AOX1: variants seen among roughly 807,000 people sequenced by gnomAD.
AOX1 encodes the protein aldehyde oxidase 1, also known as aldehyde oxidase.
AOX1 carries 153 observed loss-of-function variants against 169.5 expected under a neutral mutation model. That is an observed-to-expected ratio of 0.90 (90% confidence interval 0.79 to 1.03). The LOEUF (loss-of-function observed/expected upper bound fraction) is 1.03. Among genes scored for constraint, AOX1 ranks in the 50% least tolerant of loss-of-function variants. The pLI, the probability that AOX1 is intolerant of heterozygous loss-of-function variation, is 0.00. For missense variants in AOX1, 1,656 were observed against 1,663.9 expected (o/e 1.00, Z 0.08); for synonymous variants, 562 against 581.9 (o/e 0.97, Z 0.49).
intron 16 of AOX1, among the ~76,000 whole-genome samples, chr2:200,617,458 A>G (rs983684418): frequency 1.3e-4 from 18 of 140,484 alleles, no homozygotes; most frequent in Non-Finnish European, 6.1e-5. Flanking sequence ...TTCTTTCACC[A>G]GTAGATTTAT....
At chr2:200,657,188 A>ATTTTT (rs1309414882) in intron 27 of AOX1, among the ~76,000 whole-genome samples, 24 of 68,576 alleles carry the variant, frequency 3.5e-4, no homozygotes, top group East Asian at 1.5e-3. Flanking sequence ...ATATATATAT[A>ATTTTT]TATTTTTTTT....
At chr2:200,630,908 C>T (rs57083865) in intron 20 of AOX1, among the ~76,000 whole-genome samples, 1 of 152,018 alleles carries the variant, frequency 6.6e-6, no homozygotes, top group African/African-American at 2.4e-5. Context: ...GGTTTAATAC[C>T]TAAGTGATGG....
rs185696983 is a variant in AOX1 at position 200,670,967 on chromosome 2, G to A, written c.*288G>A. 347 of 334,776 alleles carry A rather than the reference G, an allele frequency of 1.0e-3. 2 individuals are homozygous for A. Among genetic ancestry groups the A allele is most frequent in the Middle Eastern group, 6.6e-3 (8 of 1,214 alleles). The allele number at this position is 334,776 out of a possible 1,614,324, so 20.7% of individuals were successfully genotyped here. A position where few individuals can be genotyped will look rare whatever the true frequency, so the allele number is the denominator to read the frequency against. ...TCAATCCATCCAGCTAAATGGAATA[G>A]GTGATGACTTGCATGTGACTCCTAC... On this transcript the variant is annotated 3_prime_UTR_variant, in exon 35 of 35. Coordinates refer to ENST00000374700, the MANE Select transcript of AOX1 (RefSeq NM_001159.4).
At chr2:200,644,105 T>A (rs1369729525) in intron 25 of AOX1, among the ~76,000 whole-genome samples, 1 of 152,250 alleles carries the variant, frequency 6.6e-6, no homozygotes. Flanking sequence ...TTATCGCATT[T>A]GCTTTTGAGT....
At chr2:200,597,248 G>A in intron 3 of AOX1, 149 bp from the exon 4 acceptor site, 3 of 498,140 alleles carry the variant, frequency 6.0e-6, no homozygotes, top group East Asian at 3.2e-5. Flanking sequence ...AAATGGGCCT[G>A]TGCCTGAGCT....
chr2:200,630,567 GAA>G, intron 20 of AOX1, among the ~76,000 whole-genome samples: 2 of 57,422 alleles, frequency 3.5e-5, no homozygotes, highest in Non-Finnish European at 8.1e-5. Context: ...AGGAAGGAAG[GAA>G]GGAAGGAAGG....
At chr2:200,662,794 A>G in intron 30 of AOX1, 61 bp from the exon 31 acceptor site, 1 of 1,315,596 alleles carries the variant, frequency 7.6e-7, no homozygotes, top group Non-Finnish European at 1.1e-6. Context: ...GGGTCTGTTT[A>G]GTCATCATGG....
At chr2:200,648,899 C>T (rs1574951147) in intron 25 of AOX1, among the ~76,000 whole-genome samples, 1 of 152,048 alleles carries the variant, frequency 6.6e-6, no homozygotes, top group East Asian at 1.9e-4. Context: ...CCTCACCCAG[C>T]TCCCATACAA....
At chr2:200,650,834 G>A (rs1171221357) in intron 25 of AOX1, 140 bp from the exon 26 acceptor site, 12 of 673,772 alleles carry the variant, frequency 1.8e-5, no homozygotes, top group Non-Finnish European at 3.1e-5. Context: ...TTGTGCATTA[G>A]GAAAGGCTTC....
At chr2:200,648,833 C>A in intron 25 of AOX1, among the ~76,000 whole-genome samples, 1 of 152,012 alleles carries the variant, frequency 6.6e-6, no homozygotes. Flanking sequence ...ATTATGGCTG[C>A]CTCTGCTGAG....
chr2:200,604,644 A>G, intron 8 of AOX1, 52 bp from the exon 9 acceptor site: 1 of 1,591,594 alleles, frequency 6.3e-7, no homozygotes, highest in Non-Finnish European at 8.6e-7. Context: ...GAGTGGAAAC[A>G]GGTGGAGATG....
chr2:200,616,341 T>C (rs560172528), intron 16 of AOX1, among the ~76,000 whole-genome samples: 1 of 152,376 alleles, frequency 6.6e-6, no homozygotes, highest in South Asian at 2.1e-4. Flanking sequence ...ACGCATGAGA[T>C]GGCCACCTTG....
Position 200,606,607 on chromosome 2 carries a change from T to C in AOX1, c.907+979T>C, listed in dbSNP as rs539115848. Among the ~76,000 whole-genome samples, 12 of 152,326 alleles carry C rather than the reference T, an allele frequency of 7.9e-5. No individual in the cohort carries two copies. In the South Asian group the frequency reaches 1.9e-3, roughly 24 times the overall value. On this transcript the variant is annotated intron_variant, in intron 10 of 34. Coordinates refer to ENST00000374700, the MANE Select transcript of AOX1 (RefSeq NM_001159.4). Reference sequence around the variant, plus strand: ...ATTTTCATGGTATTGATTCTTCCTATCCATGAGCATGGAATGTTTCTCCAT... The same window carrying C: ...ATTTTCATGGTATTGATTCTTCCTACCCATGAGCATGGAATGTTTCTCCAT...
chr2:200,624,874 A>C (rs2034968990), intron 19 of AOX1, among the ~76,000 whole-genome samples: 1 of 152,160 alleles, frequency 6.6e-6, no homozygotes, highest in African/African-American at 2.4e-5. Flanking sequence ...TACAGGCCGC[A>C]TGTGCTCTGG....
intron 25 of AOX1, among the ~76,000 whole-genome samples, chr2:200,648,400 C>A (rs2035508042): frequency 6.6e-6 from 1 of 152,184 alleles, no homozygotes; most frequent in South Asian, 2.1e-4. Flanking sequence ...CAGCTCCCGG[C>A]TGGTACTGAG....
chr2:200,663,933 G>GA (rs1347300537), intron 31 of AOX1, among the ~76,000 whole-genome samples: 1 of 152,150 alleles, frequency 6.6e-6, no homozygotes, highest in African/African-American at 2.4e-5. Context: ...CCTAATCTCT[G>GA]AAACTATGGT....
chr2:200,640,336 C>T (rs1013720438), intron 23 of AOX1, among the ~76,000 whole-genome samples: 1 of 152,052 alleles, frequency 6.6e-6, no homozygotes, highest in African/African-American at 2.4e-5. Flanking sequence ...CGTAATTAAA[C>T]ACAGATGCTT....
At chr2:200,652,789 G>A (rs2035605357) in intron 26 of AOX1, among the ~76,000 whole-genome samples, 2 of 152,198 alleles carry the variant, frequency 1.3e-5, no homozygotes, top group African/African-American at 4.8e-5. Flanking sequence ...ATATGGTGAG[G>A]TGCAGTGGCT....
intron 26 of AOX1, among the ~76,000 whole-genome samples, chr2:200,656,016 T>C (rs144912661): frequency 5.3e-5 from 8 of 152,358 alleles, no homozygotes; most frequent in Non-Finnish European, 7.3e-5. Context: ...CCTAGATTAT[T>C]ATGTCACTCT....
Sources: allele counts gnomAD v4.1 joint callset (sites outside exome capture counted in the v4.1 genomes callset), GRCh38; gene constraint gnomAD v4.1.1; transcripts MANE v1.5; gene names NCBI Gene and HGNC (gene_info 2026-07-23, HGNC 2026-07-21).